ITPKB: variants seen among roughly 807,000 people sequenced by gnomAD.
ITPKB encodes the protein IP3 3-kinase B.
Under a neutral mutation model 69.4 loss-of-function variants are expected in ITPKB, and 13 were observed. The ratio of observed to expected loss-of-function variants is 0.19; its 90% CI spans 0.12 to 0.30. ITPKB has a LOEUF of 0.30. Among genes scored for constraint, ITPKB ranks in the 10% least tolerant of loss-of-function variants. The pLI is 1.00. For missense variants in ITPKB, 1,240 were observed against 1,250.5 expected, an observed-to-expected ratio of 0.99 and a Z score of 0.13; for synonymous variants, 584 against 513.7, an observed-to-expected ratio of 1.14 and a Z score of -1.85.
chr1:226,635,094 G>A (rs182738828), intron 7 of ITPKB, among the ~76,000 whole-genome samples: 94 of 152,214 alleles, frequency 6.2e-4, no homozygotes, highest in African/African-American at 1.9e-3. Context: ...CAGGGTCGGC[G>A]ACCACCCTTC....
chr1:226,674,843 T>A (rs916870057), intron 2 of ITPKB: 4 of 152,234 alleles, frequency 2.6e-5, no homozygotes, highest in African/African-American at 9.7e-5. Context: ...CTATTCTGTA[T>A]CACCCTTAAT....
In ITPKB at chr1:226,729,240, T is replaced by G. The variant is rs1009707826; in HGVS notation, c.1932+6287A>C. Among the ~76,000 whole-genome samples, 3 of 152,068 alleles carry G rather than the reference T, an allele frequency of 2.0e-5. No homozygotes were observed. The East Asian group carries it at 5.8e-4, about 30-fold the overall frequency. ...GGCTCACGCCTGTAATCCCAGCACT[T>G]TGGGAGGCCGAGATGGGAGTATCAC... On this transcript the variant is annotated intron_variant, in intron 2 of 7. Transcript: ENST00000429204.
intron 2 of ITPKB, among the ~76,000 whole-genome samples, chr1:226,675,534 G>C (rs750567440): frequency 4.6e-5 from 7 of 152,200 alleles, no homozygotes; most frequent in Non-Finnish European, 7.3e-5. Flanking sequence ...GGGGAAAATG[G>C]CAGGATGACA....
Position 226,637,630 on chromosome 1 carries a change from G to T in ITPKB, c.2625+49C>A. ...TTCTGGAAGGAGAAGGAGAAGGCCT[G>T]TTGGCACGCGCAGCATTCTGCTCAA... is the stretch of plus-strand genomic sequence containing the variant. On this transcript the variant is annotated intron_variant, in intron 7 of 7. Transcript: ENST00000429204. The surrounding 1 kb of genome is among the most constrained non-coding windows in gnomAD (Gnocchi z 4.3). 1 of 1,438,016 alleles carries T rather than the reference G, an allele frequency of 7.0e-7. No individual in the cohort carries two copies. Among genetic ancestry groups the T allele is most frequent in the Non-Finnish European group, 9.8e-7 (1 of 1,022,142 alleles). The allele number at this position is 1,438,016 out of a possible 1,614,324, so 89.1% of individuals were successfully genotyped here.
At chr1:226,656,436 C>T (rs1479923755) in intron 2 of ITPKB, among the ~76,000 whole-genome samples, 1 of 152,156 alleles carries the variant, frequency 6.6e-6, no homozygotes, top group Non-Finnish European at 1.5e-5. Flanking sequence ...CTTATCAGGG[C>T]CCTGACATTC....
rs914157942 is a variant in ITPKB at position 226,632,036 on chromosome 1, T to G, written c.*2635A>C. ...GAAGTTCAAAACAAAGGCAAAGCTT[T>G]CAAGGAGAAACAAGAGTCCAGCCTT... On this transcript the variant is annotated 3_prime_UTR_variant, in exon 8 of 8. Coordinates refer to ENST00000429204, the MANE Select transcript of ITPKB (RefSeq NM_002221.4). 1.3e-5 allele frequency: 2 copies of G among 152,606 alleles called. No individual in the cohort carries two copies. The highest frequency in any genetic ancestry group is 1.3e-4 in the Admixed American group (2 of 15,282). 9.5% of individuals were successfully genotyped at this position (152,606 alleles called of 1,614,324 possible).
chr1:226,673,982 G>C (rs1458105169), intron 2 of ITPKB, among the ~76,000 whole-genome samples: 1 of 152,134 alleles, frequency 6.6e-6, no homozygotes, highest in African/African-American at 2.4e-5. Context: ...TGGGGGCAGA[G>C]CTGGGAGGTT....
chr1:226,721,924 C>T (rs1287029969), intron 2 of ITPKB, among the ~76,000 whole-genome samples: 1 of 151,944 alleles, frequency 6.6e-6, no homozygotes, highest in Non-Finnish European at 1.5e-5. Flanking sequence ...AGCGATTCTC[C>T]TGCCTCAGCC....
chr1:226,644,961 C>T (rs553409411), intron 4 of ITPKB, among the ~76,000 whole-genome samples: 5 of 152,368 alleles, frequency 3.3e-5, no homozygotes, highest in African/African-American at 1.2e-4. Flanking sequence ...CTGGGTCCCA[C>T]ACAGCCCCCT....
intron 2 of ITPKB, among the ~76,000 whole-genome samples, chr1:226,718,997 C>T (rs567733726): frequency 5.9e-5 from 9 of 152,212 alleles, no homozygotes; most frequent in African/African-American, 1.2e-4. Flanking sequence ...AATCGGGGGC[C>T]GGCACGATGG....
At chr1:226,709,558 T>C (rs1436008122) in intron 2 of ITPKB, among the ~76,000 whole-genome samples, 2 of 152,098 alleles carry the variant, frequency 1.3e-5, no homozygotes, top group African/African-American at 2.4e-5. Context: ...GGGACTAGGG[T>C]AGAGGCAGGC....
intron 2 of ITPKB, among the ~76,000 whole-genome samples, chr1:226,694,530 C>T (rs1310297231): frequency 1.3e-5 from 2 of 152,210 alleles, no homozygotes; most frequent in African/African-American, 4.8e-5. Flanking sequence ...GCAGTTTTAT[C>T]AGGTACTTTT....
intron 2 of ITPKB, among the ~76,000 whole-genome samples, chr1:226,700,826 G>A (rs1333372284): frequency 6.6e-6 from 1 of 152,174 alleles, no homozygotes; most frequent in Admixed American, 6.5e-5. Context: ...ATTCAAGCAA[G>A]AGAGGAAGAG....
chr1:226,723,065 C>A (rs187604014), intron 2 of ITPKB, among the ~76,000 whole-genome samples: 1 of 152,112 alleles, frequency 6.6e-6, no homozygotes, highest in Non-Finnish European at 1.5e-5. Context: ...CCAGTCCGTG[C>A]TGCTCAGATG....
intron 5 of ITPKB, among the ~76,000 whole-genome samples, chr1:226,640,950 G>C (rs770792017): frequency 6.6e-6 from 1 of 152,146 alleles, no homozygotes; most frequent in Non-Finnish European, 1.5e-5. Flanking sequence ...CAGGACCATC[G>C]GCTGCCCAAC....
At chr1:226,713,073 TAC>T (rs1268821371) in intron 2 of ITPKB, among the ~76,000 whole-genome samples, 1 of 149,086 alleles carries the variant, frequency 6.7e-6, no homozygotes, top group East Asian at 1.9e-4. Context: ...CACACACACA[TAC>T]ACACGTGCAT....
chr1:226,634,559 T>C lies in ITPKB; in HGVS notation c.*112A>G, dbSNP rs1270076336. ...TCCTCTTCTACAAAGTGTCTTGTAGTGCAGTTCAGGAGGGTCAGTCAGGTG... is the reference window on the plus strand; with the variant it reads ...TCCTCTTCTACAAAGTGTCTTGTAGCGCAGTTCAGGAGGGTCAGTCAGGTG... On this transcript the variant is annotated 3_prime_UTR_variant, in exon 8 of 8. Coordinates refer to ENST00000429204, the MANE Select transcript of ITPKB (RefSeq NM_002221.4). This position sits in a 1 kb window ranked among gnomAD's most constrained non-coding sequence, Gnocchi z 6.3. 6.4e-6 allele frequency: 4 copies of C among 628,348 alleles called. No homozygotes were observed. Among genetic ancestry groups the C allele is most frequent in the Admixed American group, 2.6e-5 (1 of 39,046 alleles). The allele number at this position is 628,348 out of a possible 1,614,324, so 38.9% of individuals were successfully genotyped here.
intron 2 of ITPKB, among the ~76,000 whole-genome samples, chr1:226,701,114 A>G (rs1376169760): frequency 6.6e-6 from 1 of 152,296 alleles, no homozygotes; most frequent in South Asian, 2.1e-4. Context: ...AGGCACTTCA[A>G]ATGCTTTTGG....
intron 2 of ITPKB, among the ~76,000 whole-genome samples, chr1:226,728,883 T>C (rs960936646): frequency 6.6e-6 from 1 of 152,212 alleles, no homozygotes. Context: ...GTCACAGGAA[T>C]AAGCAACAAA....
Sources: allele counts gnomAD v4.1 joint callset (sites outside exome capture counted in the v4.1 genomes callset), GRCh38; gene constraint gnomAD v4.1.1; non-coding constraint Gnocchi (gnomAD v3.1); transcripts MANE v1.5; gene names NCBI Gene and HGNC (gene_info 2026-07-23, HGNC 2026-07-21).